TAF1B: variants seen among roughly 807,000 people sequenced by gnomAD.
The protein encoded by TAF1B is TATA box-binding protein-associated factor RNA polymerase I subunit B.
A neutral mutation model predicts 83.9 loss-of-function variants in TAF1B; 61 were observed. That is an observed-to-expected ratio of 0.73 (90% CI 0.59 to 0.90). The LOEUF (loss-of-function observed/expected upper bound fraction) is 0.90, where lower values mean the gene tolerates loss of function less well. Among genes scored for constraint, TAF1B ranks in the 40% least tolerant of loss-of-function variants. TAF1B has a pLI of 0.00. For synonymous variants in TAF1B, 221 were observed against 224.6 expected, an observed-to-expected ratio of 0.98 and a Z score of 0.14; for missense variants, 625 against 677.0, an observed-to-expected ratio of 0.92 and a Z score of 0.85.
intron 5 of TAF1B, among the ~76,000 whole-genome samples, chr2:9,863,959 G>C (rs1228217124): frequency 6.6e-6 from 1 of 151,928 alleles, no homozygotes; most frequent in African/African-American, 2.4e-5. Flanking sequence ...TGTGTAGAGG[G>C]AAATTTATAG....
intron 8 of TAF1B, among the ~76,000 whole-genome samples, chr2:9,902,941 C>T (rs1665226823): frequency 6.6e-6 from 1 of 152,184 alleles, no homozygotes; most frequent in Non-Finnish European, 1.5e-5. Context: ...TTATCCAAGC[C>T]TTCTATCTCC....
intron 9 of TAF1B, among the ~76,000 whole-genome samples, chr2:9,909,054 A>G (rs1360098922): frequency 6.6e-6 from 1 of 152,226 alleles, no homozygotes; most frequent in Admixed American, 6.5e-5. Context: ...TTGAATTATC[A>G]TTGTTATATG....
At chr2:9,878,007 A>G (rs760003408) in intron 7 of TAF1B, among the ~76,000 whole-genome samples, 1 of 152,162 alleles carries the variant, frequency 6.6e-6, no homozygotes, top group Non-Finnish European at 1.5e-5. Context: ...AGAGACTGTC[A>G]CCATTGATAT....
intron 1 of TAF1B, among the ~76,000 whole-genome samples, chr2:9,844,853 T>A (rs893024247): frequency 6.6e-6 from 1 of 152,212 alleles, no homozygotes; most frequent in Non-Finnish European, 1.5e-5. Context: ...GCTTTTAGTG[T>A]CCTGGAGGAG....
intron 6 of TAF1B, among the ~76,000 whole-genome samples, chr2:9,875,181 T>G (rs1664286474): frequency 6.6e-6 from 1 of 151,970 alleles, no homozygotes; most frequent in African/African-American, 2.4e-5. Context: ...CCAGGCTGGT[T>G]TCGAACTCCT....
chr2:9,926,383 C>G (rs991714799), intron 14 of TAF1B, among the ~76,000 whole-genome samples: 1 of 152,132 alleles, frequency 6.6e-6, no homozygotes. Flanking sequence ...CTCTTTATCT[C>G]TCTCTTTTTT....
chr2:9,901,485 C>G (rs1665177338), intron 8 of TAF1B, among the ~76,000 whole-genome samples: 1 of 152,078 alleles, frequency 6.6e-6, no homozygotes, highest in African/African-American at 2.4e-5. Flanking sequence ...TGTAGCCTAC[C>G]AAATTGCTTC....
At position 9,914,004 on chromosome 2, in the gene TAF1B, A is replaced by G. The variant is rs12185678; in HGVS notation, c.1271+755A>G. ...CCTTTGAGAAAAATCAAGGTTCCCC[A>G]TATTAGTTGAAATGAGAATTTGTTC... is the stretch of plus-strand genomic sequence containing the variant. On this transcript the variant is annotated intron_variant, in intron 12 of 14. Transcript: ENST00000263663. The surrounding 1 kb of genome is among the most constrained non-coding windows in gnomAD (Gnocchi z 4.3). 0.51 allele frequency among the ~76,000 whole-genome samples: 78,223 copies of G among 152,122 alleles called. 23,128 individuals are homozygous for G. The highest frequency in any genetic ancestry group is 0.68 in the Non-Finnish European group (45,931 of 67,986).
chr2:9,882,976 G>T (rs382747), intron 8 of TAF1B, among the ~76,000 whole-genome samples, 171 bp downstream of exon 8: 31,154 of 152,016 alleles, frequency 0.2, 3,711 homozygotes, highest in Non-Finnish European at 0.28. Flanking sequence ...TTTTCCTTAT[G>T]TGGATTCCTC....
intron 8 of TAF1B, among the ~76,000 whole-genome samples, chr2:9,902,777 T>C (rs1665222074): frequency 6.6e-6 from 1 of 152,216 alleles, no homozygotes; most frequent in African/African-American, 2.4e-5. Flanking sequence ...AGAATTCCCT[T>C]GACCTAGGAG....
At chr2:9,909,439 T>C (rs546139258) in intron 9 of TAF1B, among the ~76,000 whole-genome samples, 1 of 152,272 alleles carries the variant, frequency 6.6e-6, no homozygotes, top group South Asian at 2.1e-4. Context: ...AGATGAGGAA[T>C]GGGGGAAAGA....
At chr2:9,912,261 T>C (rs1029233826) in intron 11 of TAF1B, among the ~76,000 whole-genome samples, 62 of 151,978 alleles carry the variant, frequency 4.1e-4, no homozygotes, top group African/African-American at 1.4e-3. Flanking sequence ...ATATCTTTTT[T>C]TTTTTTTCTT....
chr2:9,879,824 G>A (rs1664440192), intron 7 of TAF1B, among the ~76,000 whole-genome samples: 1 of 152,206 alleles, frequency 6.6e-6, no homozygotes. Flanking sequence ...ATACAATTCA[G>A]TGGTTTTCAA....
At chr2:9,875,237 T>G (rs1399341472) in intron 6 of TAF1B, among the ~76,000 whole-genome samples, 1 of 152,192 alleles carries the variant, frequency 6.6e-6, no homozygotes, top group Non-Finnish European at 1.5e-5. Context: ...GTGCTAGGAT[T>G]ACAGGCGTGA....
chr2:9,858,531 C>T (rs1012825738), intron 5 of TAF1B, among the ~76,000 whole-genome samples: 1 of 152,236 alleles, frequency 6.6e-6, no homozygotes, highest in Non-Finnish European at 1.5e-5. Flanking sequence ...TGTTGGGGCT[C>T]CAACCCCACA....
chr2:9,876,784 C>G (rs1323425883), intron 7 of TAF1B, among the ~76,000 whole-genome samples: 1 of 152,100 alleles, frequency 6.6e-6, no homozygotes, highest in East Asian at 1.9e-4. Flanking sequence ...GCTTTTGTTT[C>G]TTCGTTGGTA....
chr2:9,847,633 A>G (rs1663249779), intron 2 of TAF1B, among the ~76,000 whole-genome samples: 2 of 147,380 alleles, frequency 1.4e-5, no homozygotes, highest in Non-Finnish European at 3.1e-5. Context: ...TTATCCTAGT[A>G]TATTTTATCC....
chr2:9,913,540 T>G (rs961224236), intron 12 of TAF1B: 5 of 235,650 alleles, frequency 2.1e-5, no homozygotes, highest in African/African-American at 1.1e-4. Context: ...ATAATTTGCA[T>G]GAGACTTGCC....
intron 11 of TAF1B, 118 bp downstream of exon 11, chr2:9,911,675 CAAA>C: frequency 1.7e-6 from 1 of 579,232 alleles, no homozygotes; most frequent in Non-Finnish European, 2.8e-6. Flanking sequence ...CACATGTATA[CAAA>C]TTGTATATTG....
Sources: gnomAD v4.1 joint callset for allele counts (sites outside exome capture counted in the v4.1 genomes callset) on GRCh38, gnomAD v4.1.1 for gene constraint, Gnocchi (gnomAD v3.1) non-coding constraint, MANE v1.5 for transcripts, NCBI Gene and HGNC (gene_info 2026-07-23, HGNC 2026-07-21) for gene names.